The following SUGCT variants were observed in gnomAD, a reference collection of about 807,000 sequenced individuals.
SUGCT encodes the protein succinyl-CoA:glutarate CoA-transferase.
A neutral mutation model predicts 55.0 loss-of-function variants in SUGCT; 41 were observed. The ratio of observed to expected loss-of-function variants is 0.74; its 90% CI spans 0.58 to 0.97. SUGCT has a LOEUF of 0.97. SUGCT is among the 50% of genes least tolerant of loss of function. SUGCT has a pLI of 0.00. For synonymous variants in SUGCT, 187 were observed against 200.4 expected (o/e 0.93, Z 0.56); for missense variants, 568 against 547.8 (o/e 1.04, Z -0.37).
At chr7:40,899,056 CCA>C in the SUGCT span, among the ~76,000 whole-genome samples, 993 of 152,266 alleles carry the variant, frequency 6.5e-3, 7 homozygotes, top group Admixed American at 8.9e-3. Context: ...GGCCTCCAAG[CCA>C]CTCTTGTAGA....
chr7:40,356,899 T>C (rs1487716016), intron 9 of SUGCT, among the ~76,000 whole-genome samples: 1 of 152,174 alleles, frequency 6.6e-6, no homozygotes, highest in Non-Finnish European at 1.5e-5. Context: ...CACAAAATAA[T>C]TTGCCTTATT....
At chr7:40,283,125 A>G (rs1381088770) in intron 8 of SUGCT, among the ~76,000 whole-genome samples, 1 of 152,216 alleles carries the variant, frequency 6.6e-6, no homozygotes, top group Non-Finnish European at 1.5e-5. Flanking sequence ...AAATATTTGC[A>G]AAGCATATAT....
intron 1 of SUGCT, among the ~76,000 whole-genome samples, chr7:40,145,965 C>A (rs766836807): frequency 6.6e-6 from 1 of 152,186 alleles, no homozygotes; most frequent in Non-Finnish European, 1.5e-5. Context: ...GACCTTTGTA[C>A]GGTAATTAAG....
At chr7:40,917,364 G>C in the SUGCT span, among the ~76,000 whole-genome samples, 8 of 152,200 alleles carry the variant, frequency 5.3e-5, no homozygotes, top group Non-Finnish European at 1.2e-4. Context: ...AGTTAGGGTA[G>C]TAGGTTACTC....
chr7:40,778,759 C>T (rs1789585090), intron 13 of SUGCT, among the ~76,000 whole-genome samples: 1 of 152,244 alleles, frequency 6.6e-6, no homozygotes, highest in South Asian at 2.1e-4. Flanking sequence ...TGGGATTAGA[C>T]CTGAGACCCT....
intron 12 of SUGCT, among the ~76,000 whole-genome samples, chr7:40,618,747 T>C (rs1384825458): frequency 2.0e-5 from 3 of 152,244 alleles, no homozygotes; most frequent in African/African-American, 7.2e-5. Flanking sequence ...ATCTATTTTA[T>C]CACTGTTTTG....
At chr7:41,000,665 T>C in the SUGCT span, among the ~76,000 whole-genome samples, 32 of 152,178 alleles carry the variant, frequency 2.1e-4, no homozygotes, top group Non-Finnish European at 4.3e-4. Flanking sequence ...AGGGTAGTGG[T>C]GTGATCTGAT....
At chr7:40,908,396 A>G in the SUGCT span, among the ~76,000 whole-genome samples, 1 of 151,618 alleles carries the variant, frequency 6.6e-6, no homozygotes, top group Non-Finnish European at 1.5e-5. Flanking sequence ...AAAAAAAAAA[A>G]AAAAGGACCA....
chr7:40,927,579 T>C, the SUGCT span, among the ~76,000 whole-genome samples: 1 of 152,200 alleles, frequency 6.6e-6, no homozygotes, highest in Non-Finnish European at 1.5e-5. Context: ...CGAAATTGAC[T>C]GTTGAGGGGC....
intron 8 of SUGCT, among the ~76,000 whole-genome samples, chr7:40,286,756 T>G (rs1384457920): frequency 6.6e-6 from 1 of 152,210 alleles, no homozygotes; most frequent in African/African-American, 2.4e-5. Context: ...GTGTGGCATT[T>G]CAAATAATAA....
At chr7:40,444,539 T>C (rs2151419521) in intron 9 of SUGCT, among the ~76,000 whole-genome samples, 1 of 152,324 alleles carries the variant, frequency 6.6e-6, no homozygotes, top group South Asian at 2.1e-4. Flanking sequence ...GTTATTGGTG[T>C]ATAAGAATGC....
chr7:40,959,205 G>C, the SUGCT span, among the ~76,000 whole-genome samples: 2 of 152,192 alleles, frequency 1.3e-5, no homozygotes, highest in Non-Finnish European at 2.9e-5. Context: ...GTGCTGGGAG[G>C]TCCGCTGCTA....
At chr7:40,278,972 G>A (rs953318829) in intron 8 of SUGCT, among the ~76,000 whole-genome samples, 6 of 150,698 alleles carry the variant, frequency 4.0e-5, no homozygotes, top group African/African-American at 7.3e-5. Context: ...GACTACAGGC[G>A]TATGACCTTA....
intron 9 of SUGCT, among the ~76,000 whole-genome samples, chr7:40,407,445 AATATT>A (rs1208692133): frequency 1.3e-5 from 2 of 152,018 alleles, no homozygotes; most frequent in Non-Finnish European, 2.9e-5. Flanking sequence ...GAAAATATAA[AATATT>A]ATATTAAAAC....
At chr7:41,033,054 G>A in the SUGCT span, among the ~76,000 whole-genome samples, 5 of 152,188 alleles carry the variant, frequency 3.3e-5, no homozygotes, top group Admixed American at 2.0e-4. Context: ...GAGCCACTGC[G>A]TGGGGCCAAA....
chr7:40,771,445 C>T (rs749129028), intron 13 of SUGCT, among the ~76,000 whole-genome samples: 1 of 151,958 alleles, frequency 6.6e-6, no homozygotes, highest in Non-Finnish European at 1.5e-5. Context: ...TCTAATGTGC[C>T]CCTTTCCTGT....
At chr7:40,732,871 CTT>C (rs1471368968) in intron 12 of SUGCT, among the ~76,000 whole-genome samples, 2 of 152,092 alleles carry the variant, frequency 1.3e-5, no homozygotes, top group African/African-American at 4.8e-5. Context: ...GGGTGGATCA[CTT>C]GAGGTCAGGA....
At chr7:40,565,652 C>T (rs766180248) in intron 12 of SUGCT, among the ~76,000 whole-genome samples, 21 of 152,040 alleles carry the variant, frequency 1.4e-4, no homozygotes, top group Non-Finnish European at 3.1e-4. Flanking sequence ...TCATGATGAG[C>T]GTGAATTCCA....
chr7:40,366,876 A>G (rs1172723302), intron 9 of SUGCT, among the ~76,000 whole-genome samples: 2 of 152,164 alleles, frequency 1.3e-5, no homozygotes, highest in Non-Finnish European at 2.9e-5. Flanking sequence ...AGGGATCTCG[A>G]ACTAGAAATA....
Sources: allele counts gnomAD v4.1 joint callset (sites outside exome capture counted in the v4.1 genomes callset), GRCh38; gene constraint gnomAD v4.1.1; transcripts MANE v1.5; gene names NCBI Gene and HGNC (gene_info 2026-07-23, HGNC 2026-07-21).